PRKCH: variants seen among roughly 807,000 people sequenced by gnomAD.
PRKCH encodes protein kinase C eta, also known as protein kinase C eta type.
Under a neutral mutation model 82.5 loss-of-function variants are expected in PRKCH, and 28 were observed. The observed-to-expected ratio is 0.34, with a 90% CI of 0.25 to 0.47. PRKCH has a LOEUF of 0.47. PRKCH is among the 20% of genes least tolerant of loss of function. The pLI, the probability that PRKCH is intolerant of heterozygous loss-of-function variation, is 1.00. For synonymous variants in PRKCH, 322 were observed against 327.4 expected (o/e 0.98, Z 0.18); for missense variants, 705 against 881.8 (o/e 0.80, Z 2.54).
At chr14:61,212,768 T>A (rs897440222) in intron 1 of PRKCH, among the ~76,000 whole-genome samples, 9 of 152,186 alleles carry the variant, frequency 5.9e-5, no homozygotes. Context: ...CCTTGGATCT[T>A]ACCAGTCTAT....
intron 1 of PRKCH, among the ~76,000 whole-genome samples, chr14:61,374,408 CTGTG>C (rs1310001824): frequency 3.3e-5 from 5 of 152,144 alleles, no homozygotes; most frequent in Non-Finnish European, 5.9e-5. Context: ...AATGGGGACT[CTGTG>C]TGGGGGTTTC....
At chr14:61,438,911 G>C (rs1439125751) in intron 2 of PRKCH, among the ~76,000 whole-genome samples, 1 of 152,160 alleles carries the variant, frequency 6.6e-6, no homozygotes, top group African/African-American at 2.4e-5. Context: ...CTGTGGATGG[G>C]GTGGCTTTTC....
intron 1 of PRKCH, among the ~76,000 whole-genome samples, chr14:61,350,187 C>T (rs1020404373): frequency 1.3e-5 from 2 of 152,158 alleles, no homozygotes; most frequent in Admixed American, 1.3e-4. Context: ...TCTCACCTTT[C>T]CTCCACGTCT....
rs377250538 is a variant in PRKCH, at chr14:61,428,076, T to TAGATAGATAGATAGATAGATACAC, written c.428-15034_428-15033insGATAGATAGATAGATAGATACACA. On this transcript the variant is annotated intron_variant, in intron 2 of 13. Coordinates refer to ENST00000332981, the MANE Select transcript of PRKCH (RefSeq NM_006255.5). Reference sequence around the variant, plus strand: ...ATAGATAGATAGATAGATAGATAGATACACACACACACACACACACATATA... The same window carrying TAGATAGATAGATAGATAGATACAC: ...ATAGATAGATAGATAGATAGATAGATAGATAGATAGATAGATAGATACACACACACACACACACACACACATATA... Among the ~76,000 whole-genome samples, 263 of 126,230 alleles carry TAGATAGATAGATAGATAGATACAC rather than the reference T, an allele frequency of 2.1e-3. 1 individual carries two copies. Among genetic ancestry groups the TAGATAGATAGATAGATAGATACAC allele is most frequent in the Middle Eastern group, 3.8e-3 (1 of 266 alleles). 82.8% of individuals were successfully genotyped at this position (126,230 alleles called of 152,430 possible).
intron 12 of PRKCH, among the ~76,000 whole-genome samples, chr14:61,538,442 A>G (rs1026544331): frequency 6.6e-6 from 1 of 152,262 alleles, no homozygotes; most frequent in Non-Finnish European, 1.5e-5. Flanking sequence ...TTTAAGTCAT[A>G]TAATTTTACT....
intron 1 of PRKCH, among the ~76,000 whole-genome samples, chr14:61,376,265 T>C (rs996389390): frequency 2.0e-5 from 3 of 152,170 alleles, no homozygotes; most frequent in African/African-American, 4.8e-5. Flanking sequence ...TTCTGCTTTC[T>C]CTCATTCTCT....
intron 1 of PRKCH, chr14:61,279,361 C>T (rs1340706358): frequency 1.3e-5 from 2 of 152,236 alleles, no homozygotes; most frequent in African/African-American, 4.8e-5. Flanking sequence ...TCATGGTTGT[C>T]ACTGCCCCTG....
chr14:61,509,374 G>A (rs1887281014), intron 10 of PRKCH, among the ~76,000 whole-genome samples: 1 of 152,146 alleles, frequency 6.6e-6, no homozygotes, highest in Non-Finnish European at 1.5e-5. Flanking sequence ...GACCATGAAG[G>A]AGACTTCTTC....
chr14:61,388,640 G>C (rs1168112542), intron 1 of PRKCH, among the ~76,000 whole-genome samples: 3 of 152,166 alleles, frequency 2.0e-5, no homozygotes, highest in African/African-American at 7.2e-5. Flanking sequence ...AGGGAGTGTG[G>C]CTTTTAAAAA....
Position 61,407,751 on chromosome 14 carries a change from T to A in PRKCH, c.427+16463T>A, listed in dbSNP as rs138136573. ...CTTAGGTACAGCCTTTATAGAACCT[T>A]TTGTCTGATATGCAGAATATTGACT... On this transcript the variant is annotated intron_variant, in intron 2 of 13. Coordinates refer to ENST00000332981, the MANE Select transcript of PRKCH (RefSeq NM_006255.5). 3.8e-3 allele frequency among the ~76,000 whole-genome samples: 582 copies of A among 152,330 alleles called. 2 individuals are homozygous for A. Among genetic ancestry groups the A allele is most frequent in the African/African-American group, 0.013 (555 of 41,566 alleles).
intron 1 of PRKCH, among the ~76,000 whole-genome samples, chr14:61,349,153 C>T (rs533894998): frequency 6.6e-6 from 1 of 152,304 alleles, no homozygotes; most frequent in Non-Finnish European, 1.5e-5. Flanking sequence ...CTTTTGTATG[C>T]ATTTTCTGCT....
intron 12 of PRKCH, among the ~76,000 whole-genome samples, chr14:61,546,778 A>C (rs1417538951): frequency 6.6e-6 from 1 of 152,202 alleles, no homozygotes; most frequent in Non-Finnish European, 1.5e-5. Context: ...AAACAAAAAC[A>C]AAACTTTTTA....
At chr14:61,473,742 C>G (rs371030889) in intron 9 of PRKCH, among the ~76,000 whole-genome samples, 2 of 152,156 alleles carry the variant, frequency 1.3e-5, no homozygotes, top group African/African-American at 4.8e-5. Context: ...CCTGTAATCC[C>G]AGCACTTTGG....
rs2044644978 is a variant in PRKCH at position 61,220,208 on chromosome 14, G to A, written c.-19+32540G>A. On this transcript the variant is annotated intron_variant, in intron 1 of 3. Transcript: ENST00000555185. ...CACACTCCTGAAATGGTTGTGAGAG[G>A]TGAAGGCTCCTGATCGCCTTCATCC... is the stretch of plus-strand genomic sequence containing the variant. Among the ~76,000 whole-genome samples, 3 of 152,316 alleles carry A rather than the reference G, an allele frequency of 2.0e-5. No individual in the cohort carries two copies. The South Asian group carries it at 6.2e-4, about 32-fold the overall frequency.
intron 9 of PRKCH, among the ~76,000 whole-genome samples, chr14:61,480,105 G>A (rs1485902202): frequency 6.6e-6 from 1 of 152,224 alleles, no homozygotes; most frequent in African/African-American, 2.4e-5. Context: ...AAAGCCTCAG[G>A]TAAAGCTGTA....
At chr14:61,267,959 T>A in intron 1 of PRKCH, among the ~76,000 whole-genome samples, 1 of 152,238 alleles carries the variant, frequency 6.6e-6, no homozygotes, top group East Asian at 1.9e-4. Context: ...TTACGTATCA[T>A]GCTTCTGCTG....
At chr14:61,257,491 T>C (rs1332736070) in intron 1 of PRKCH, among the ~76,000 whole-genome samples, 1 of 151,950 alleles carries the variant, frequency 6.6e-6, no homozygotes, top group Non-Finnish European at 1.5e-5. Flanking sequence ...GCAGCATACA[T>C]AGAAAATAAA....
chr14:61,446,666 A>G (rs1481881613), intron 4 of PRKCH, among the ~76,000 whole-genome samples: 5 of 152,254 alleles, frequency 3.3e-5, no homozygotes, highest in Non-Finnish European at 5.9e-5. Flanking sequence ...TATAATCAAT[A>G]TGACAGCAAT....
At chr14:61,499,259 G>A (rs1448243647) in intron 10 of PRKCH, among the ~76,000 whole-genome samples, 1 of 152,216 alleles carries the variant, frequency 6.6e-6, no homozygotes, top group Non-Finnish European at 1.5e-5. Flanking sequence ...TCTTGCAAAT[G>A]TCAAATTGTA....
Sources: allele counts gnomAD v4.1 joint callset (sites outside exome capture counted in the v4.1 genomes callset), GRCh38; gene constraint gnomAD v4.1.1; transcripts MANE v1.5; gene names NCBI Gene and HGNC (gene_info 2026-07-23, HGNC 2026-07-21).